LYPLA1: variants seen among roughly 807,000 people sequenced by gnomAD.
The protein encoded by LYPLA1 is lysophospholipase 1, also known as acyl-protein thioesterase 1.
In LYPLA1, 17 loss-of-function variants were observed where a neutral mutation model predicts 34.0. That is an observed-to-expected ratio of 0.50 (90% confidence interval 0.34 to 0.75). The LOEUF is 0.75. Among genes scored for constraint, LYPLA1 ranks in the 30% least tolerant of loss-of-function variants. The probability of loss-of-function intolerance (pLI) is 0.01; values close to 1 mark genes in which losing one functional copy is unlikely to be tolerated. For synonymous variants in LYPLA1, 98 were observed against 100.8 expected (o/e 0.97, Z 0.17); for missense variants, 203 against 288.8 (o/e 0.70, Z 2.15).
intron 6 of LYPLA1, 23 bp downstream of exon 6, chr8:54,055,037 A>C (rs1222622656): frequency 7.0e-7 from 1 of 1,427,448 alleles, no homozygotes; most frequent in African/African-American, 1.4e-5. Flanking sequence ...TGGTACTGAC[A>C]TTCCACTCAA....
At chr8:54,050,004 C>A (rs906523905) in intron 8 of LYPLA1, among the ~76,000 whole-genome samples, 3 of 152,222 alleles carry the variant, frequency 2.0e-5, no homozygotes, top group Non-Finnish European at 4.4e-5. Context: ...ACACCTAACT[C>A]CTTTTCTCAT....
At chr8:54,074,349 A>G (rs1210511703) in intron 2 of LYPLA1, among the ~76,000 whole-genome samples, 4 of 152,238 alleles carry the variant, frequency 2.6e-5, no homozygotes, top group Non-Finnish European at 5.9e-5. Context: ...CAATTCCTGC[A>G]GTAAACAACC....
At chr8:54,086,132 ACCCCGTG>A (rs1485799312) in intron 2 of LYPLA1, among the ~76,000 whole-genome samples, 2 of 151,916 alleles carry the variant, frequency 1.3e-5, no homozygotes, top group South Asian at 4.2e-4. Context: ...CTTACCCCCA[ACCCCGTG>A]CTCTCTGAAA....
At chr8:54,069,259 C>T (rs968544269) in intron 2 of LYPLA1, among the ~76,000 whole-genome samples, 16 of 152,194 alleles carry the variant, frequency 1.1e-4, no homozygotes, top group African/African-American at 3.1e-4. Flanking sequence ...TGAATGTTCA[C>T]AATGCAAAGA....
chr8:54,068,207 T>C (rs1276231478), intron 2 of LYPLA1, among the ~76,000 whole-genome samples: 1 of 152,116 alleles, frequency 6.6e-6, no homozygotes, highest in African/African-American at 2.4e-5. Flanking sequence ...TAAAACATAT[T>C]AAGAAATACA....
chr8:54,045,487 T>G (rs1351783718), downstream of LYPLA1: 1 of 152,182 alleles, frequency 6.6e-6, no homozygotes, highest in Non-Finnish European at 1.5e-5. Context: ...ACAGTGCTGA[T>G]GTGAAAGATA....
At chr8:54,044,009 A>G (rs1424593239), downstream of LYPLA1, among the ~76,000 whole-genome samples, 1 of 152,118 alleles carries the variant, frequency 6.6e-6, no homozygotes, top group Non-Finnish European at 1.5e-5. Flanking sequence ...GTCTTGCCTC[A>G]GCATCCCAAG....
chr8:54,088,215 G>T (rs760899724), intron 2 of LYPLA1, among the ~76,000 whole-genome samples: 1 of 152,096 alleles, frequency 6.6e-6, no homozygotes, highest in African/African-American at 2.4e-5. Context: ...TCTTTATTAC[G>T]GCTAGCAGAT....
At chr8:54,065,220 G>A (rs1806961498) in intron 3 of LYPLA1, among the ~76,000 whole-genome samples, 1 of 152,100 alleles carries the variant, frequency 6.6e-6, no homozygotes, top group Non-Finnish European at 1.5e-5. Context: ...TTTTCTGGGA[G>A]GCCAAGGCAG....
At chr8:54,092,313 G>A (rs904614351) in intron 2 of LYPLA1, among the ~76,000 whole-genome samples, 1 of 151,416 alleles carries the variant, frequency 6.6e-6, no homozygotes, top group African/African-American at 2.4e-5. Flanking sequence ...AGGTGGAGGA[G>A]GAGGAGAAGG....
chr8:54,099,797 T>C (rs538453400), intron 2 of LYPLA1, among the ~76,000 whole-genome samples: 1 of 151,990 alleles, frequency 6.6e-6, no homozygotes, highest in African/African-American at 2.4e-5. Context: ...GATTCTCTTC[T>C]CTCAGCCTCC....
In LYPLA1 at chr8:54,052,731, G is replaced by A. The variant is rs1418943568; in HGVS notation, c.386C>T (p.Ala129Val). The A allele has an allele frequency of 3.7e-6, 6 of 1,613,266 alleles. No individual in the cohort carries two copies. Among genetic ancestry groups the A allele is most frequent in the Non-Finnish European group, 5.1e-6 (6 of 1,179,418 alleles). The change falls in exon 7 of 9, where the codon GCC becomes GTC. Residue 129 changes from alanine (A) to valine (V), a missense_variant. By Grantham distance (64) the Ala-to-Val change is moderately conservative (BLOSUM62 0). Coordinates refer to ENST00000316963, the MANE Select transcript of LYPLA1 (RefSeq NM_006330.4). The stretch of plus-strand genomic sequence containing the variant: ...TGCCAGTTTCTGCTGTGTGGTAAGG[G>A]CAGTATATAAAGATAAAGCTCCTCC... ...SQGGALSLYT[A>V]LTTQQKLAGV...
At chr8:54,084,259 TAAA>T (rs1170634769) in intron 2 of LYPLA1, among the ~76,000 whole-genome samples, 1 of 135,434 alleles carries the variant, frequency 7.4e-6, no homozygotes, top group Non-Finnish European at 1.6e-5. Context: ...AAGAAAATAA[TAAA>T]AACTAGAGTG....
chr8:54,085,816 G>A (rs1404342917), intron 2 of LYPLA1, among the ~76,000 whole-genome samples: 1 of 141,118 alleles, frequency 7.1e-6, no homozygotes, highest in Non-Finnish European at 1.6e-5. Context: ...GTGGGGGGGG[G>A]GCAGCCCCCG....
intron 2 of LYPLA1, among the ~76,000 whole-genome samples, chr8:54,093,628 C>G (rs532431689): frequency 9.9e-5 from 15 of 152,232 alleles, no homozygotes; most frequent in Non-Finnish European, 2.1e-4. Context: ...ATAATGGCAG[C>G]CTTAGGAAAC....
At chr8:54,085,736 G>C (rs934296547) in intron 2 of LYPLA1, among the ~76,000 whole-genome samples, 1 of 149,416 alleles carries the variant, frequency 6.7e-6, no homozygotes, top group Non-Finnish European at 1.5e-5. Context: ...GAGCCCCTCC[G>C]CCCGGCCAGC....
intron 2 of LYPLA1, among the ~76,000 whole-genome samples, chr8:54,070,477 C>T (rs1376119185): frequency 6.6e-6 from 1 of 152,154 alleles, no homozygotes; most frequent in Non-Finnish European, 1.5e-5. Context: ...AATCCCAGCA[C>T]TTTGGGGAGG....
chr8:54,073,204 G>C (rs1291957691), intron 2 of LYPLA1: 1 of 786,104 alleles, frequency 1.3e-6, no homozygotes, highest in Non-Finnish European at 2.3e-6. Context: ...TTCCCAACTT[G>C]TGCCGCCCAG....
chr8:54,071,330 A>C (rs1178791903), intron 2 of LYPLA1, among the ~76,000 whole-genome samples: 2 of 152,220 alleles, frequency 1.3e-5, no homozygotes, highest in African/African-American at 4.8e-5. Context: ...ATCAATGCTC[A>C]TCTCCTAATT....
Sources: gnomAD v4.1 joint callset for allele counts (sites outside exome capture counted in the v4.1 genomes callset) on GRCh38, gnomAD v4.1.1 for gene constraint, MANE v1.5 for transcripts, NCBI Gene and HGNC (gene_info 2026-07-23, HGNC 2026-07-21) for gene names.